The following CSMD2 variants were observed in gnomAD, a reference collection of about 807,000 sequenced individuals.
CSMD2 encodes the protein CUB and sushi domain-containing protein 2.
A neutral mutation model predicts 398.5 loss-of-function variants in CSMD2; 130 were observed. That is an observed-to-expected ratio of 0.33 (90% CI 0.28 to 0.38). CSMD2 has a LOEUF of 0.38. CSMD2 is among the 10% of genes least tolerant of loss of function. The pLI, the probability that CSMD2 is intolerant of heterozygous loss-of-function variation, is 1.00. For synonymous variants in CSMD2, 1,828 were observed against 1,908.5 expected (o/e 0.96, Z 1.10); for missense variants, 3,829 against 4,764.9 (o/e 0.80, Z 5.78).
chr1:33,896,096 G>A (rs901432391), intron 5 of CSMD2, among the ~76,000 whole-genome samples: 3 of 152,158 alleles, frequency 2.0e-5, no homozygotes, highest in African/African-American at 7.2e-5. Flanking sequence ...TATTAATCAG[G>A]TTAGGAATAT....
At chr1:33,613,467 C>T (rs181386729) in intron 40 of CSMD2, among the ~76,000 whole-genome samples, 67 of 152,268 alleles carry the variant, frequency 4.4e-4, no homozygotes, top group African/African-American at 1.6e-3. Context: ...GAAGATGGTA[C>T]TGAACACCCA....
intron 3 of CSMD2, among the ~76,000 whole-genome samples, chr1:33,944,613 T>C (rs1644785067): frequency 6.6e-6 from 1 of 152,176 alleles, no homozygotes; most frequent in South Asian, 2.1e-4. Context: ...GTCACACAGC[T>C]AGTAGGAGTA....
chr1:33,994,137 T>G (rs923576035), intron 3 of CSMD2, among the ~76,000 whole-genome samples: 3 of 151,980 alleles, frequency 2.0e-5, no homozygotes, highest in Non-Finnish European at 4.4e-5. Flanking sequence ...AGGGGAGAGA[T>G]AAAAAGATAA....
chr1:33,808,258 A>G (rs930242691), intron 10 of CSMD2, among the ~76,000 whole-genome samples: 2 of 152,100 alleles, frequency 1.3e-5, no homozygotes, highest in Admixed American at 6.5e-5. Context: ...AAAGAGACAA[A>G]CACAATTAAC....
intron 13 of CSMD2, among the ~76,000 whole-genome samples, chr1:33,759,975 T>A (rs2149299155): frequency 6.6e-6 from 1 of 152,366 alleles, no homozygotes; most frequent in East Asian, 1.9e-4. Flanking sequence ...CAATCCCCTC[T>A]GGAACTGGAA....
chr1:33,829,555 A>C (rs796351601), intron 6 of CSMD2, among the ~76,000 whole-genome samples: 2 of 152,232 alleles, frequency 1.3e-5, no homozygotes, highest in Admixed American at 6.5e-5. Context: ...GAACAGCTCC[A>C]GTCTACAGCT....
intron 5 of CSMD2, 54 bp from the exon 6 acceptor site, chr1:33,847,050 G>A (rs926571547): frequency 3.3e-6 from 4 of 1,213,108 alleles, no homozygotes; most frequent in African/African-American, 1.5e-5. Flanking sequence ...TGGTATAGGT[G>A]TATGAGCATT....
intron 64 of CSMD2, among the ~76,000 whole-genome samples, chr1:33,527,940 CA>C (rs61088318): frequency 3.5e-3 from 383 of 108,526 alleles, no homozygotes; most frequent in African/African-American, 4.9e-3. Context: ...GACTCTGTCT[CA>C]AAAAAAAAAA....
In CSMD2 at chr1:33,946,674, A is replaced by G. The variant is rs558394677; in HGVS notation, c.518-10720T>C. Among the ~76,000 whole-genome samples, 435 of 150,198 alleles carry G rather than the reference A, an allele frequency of 2.9e-3. 1 individual carries two copies. The highest frequency in any genetic ancestry group is 1.0e-2 in the African/African-American group (407 of 40,706). On this transcript the variant is annotated intron_variant, in intron 3 of 70. Coordinates refer to ENST00000373381, the MANE Select transcript of CSMD2 (RefSeq NM_001281956.2). ...TACTCTGTCGCCCAGGGTGGAGTGC[A>G]GTGGCATAATCTTGGCTCACTGCAA...
At chr1:33,621,602 G>A (rs1397116501) in intron 37 of CSMD2, among the ~76,000 whole-genome samples, 2 of 152,204 alleles carry the variant, frequency 1.3e-5, no homozygotes, top group Non-Finnish European at 2.9e-5. Flanking sequence ...AGGGGGTAGG[G>A]CAGGCAGTCC....
intron 2 of CSMD2, among the ~76,000 whole-genome samples, chr1:34,087,446 G>C (rs1400420059): frequency 6.7e-6 from 1 of 150,146 alleles, no homozygotes; most frequent in Non-Finnish European, 1.5e-5. Flanking sequence ...AAAGGGAGGG[G>C]AACATCACAC....
chr1:33,525,833 C>A (rs1055126397), intron 65 of CSMD2, among the ~76,000 whole-genome samples: 1 of 152,066 alleles, frequency 6.6e-6, no homozygotes, highest in African/African-American at 2.4e-5. Flanking sequence ...TACAGGCATG[C>A]ACCACCATGC....
rs1479733934 is a variant in CSMD2 at position 34,095,509 on chromosome 1, C to A, written c.188-6316G>T. Among the ~76,000 whole-genome samples the A allele has an allele frequency of 3.3e-5, 5 of 151,668 alleles. No individual in the cohort carries two copies. The East Asian group carries it at 7.7e-4, about 23-fold the overall frequency. The stretch of plus-strand genomic sequence containing the variant: ...AAGGATCAACAAAATAGATAGACCG[C>A]TAGCAAGACTAATAAAGAAAAAAAG... On this transcript the variant is annotated intron_variant, in intron 1 of 70. Coordinates refer to ENST00000373381, the MANE Select transcript of CSMD2 (RefSeq NM_001281956.2).
chr1:34,165,301 C>T, upstream of CSMD2: 3 of 1,198,774 alleles, frequency 2.5e-6, no homozygotes, highest in Non-Finnish European at 3.1e-6. Flanking sequence ...AATCCCGCTT[C>T]GCGGGGTTCG....
chr1:33,997,001 A>G (rs938734790), intron 3 of CSMD2, among the ~76,000 whole-genome samples: 1 of 152,204 alleles, frequency 6.6e-6, no homozygotes, highest in African/African-American at 2.4e-5. Flanking sequence ...AGTTCAAGTC[A>G]CTTTCTCAAG....
chr1:33,800,303 G>C (rs2124917953), intron 10 of CSMD2, among the ~76,000 whole-genome samples: 1 of 152,260 alleles, frequency 6.6e-6, no homozygotes, highest in South Asian at 2.1e-4. Flanking sequence ...GAGGAGGAGG[G>C]GAGGCCAGTA....
At chr1:33,883,147 T>C (rs1301056783) in intron 5 of CSMD2, among the ~76,000 whole-genome samples, 2 of 152,218 alleles carry the variant, frequency 1.3e-5, no homozygotes, top group Admixed American at 6.5e-5. Flanking sequence ...TTGGTTCAGT[T>C]TCTCCCAGTT....
intron 29 of CSMD2, among the ~76,000 whole-genome samples, chr1:33,643,619 G>C (rs1486704865): frequency 1.3e-5 from 2 of 152,184 alleles, no homozygotes; most frequent in Admixed American, 6.5e-5. Flanking sequence ...AATGCTCAGA[G>C]GAGTTAGGCA....
intron 5 of CSMD2, among the ~76,000 whole-genome samples, chr1:33,876,966 A>T (rs1368246449): frequency 2.6e-5 from 4 of 152,226 alleles, no homozygotes; most frequent in Admixed American, 6.5e-5. Context: ...CAAATAAAAC[A>T]TAGTATTGCC....
Sources: allele counts gnomAD v4.1 joint callset (sites outside exome capture counted in the v4.1 genomes callset), GRCh38; gene constraint gnomAD v4.1.1; transcripts MANE v1.5; gene names NCBI Gene and HGNC (gene_info 2026-07-23, HGNC 2026-07-21).